Variants in COP1 observed in about 807,000 individuals in gnomAD.
The protein encoded by COP1 is COP1 E3 ubiquitin ligase.
A neutral mutation model predicts 101.3 loss-of-function variants in COP1; 24 were observed. The ratio of observed to expected loss-of-function variants is 0.24; its 90% CI spans 0.17 to 0.33. The LOEUF is 0.33. Ranked by LOEUF, COP1 falls within the 10% of genes least tolerant of loss-of-function variation. The probability of loss-of-function intolerance (pLI) is 1.00; values close to 1 mark genes in which losing one functional copy is unlikely to be tolerated. For synonymous variants in COP1, 347 were observed against 341.9 expected (o/e 1.01, Z -0.17); for missense variants, 663 against 906.2 (o/e 0.73, Z 3.45).
At chr1:176,180,040 A>G (rs1697537042) in intron 2 of COP1, among the ~76,000 whole-genome samples, 1 of 152,192 alleles carries the variant, frequency 6.6e-6, no homozygotes, top group African/African-American at 2.4e-5. Context: ...ATCTTAGAGC[A>G]TCTACTACTT....
intron 8 of COP1, 54 bp from the exon 9 acceptor site, chr1:176,116,735 C>G: frequency 7.7e-7 from 1 of 1,295,778 alleles, no homozygotes; most frequent in Non-Finnish European, 1.1e-6. Context: ...ATTTTAACAA[C>G]AGAAAAAGTA....
At chr1:176,166,336 A>T (rs1045469911) in intron 3 of COP1, among the ~76,000 whole-genome samples, 1 of 152,188 alleles carries the variant, frequency 6.6e-6, no homozygotes, top group Non-Finnish European at 1.5e-5. Flanking sequence ...CATGTTGCCC[A>T]GGCTGATCTT....
intron 14 of COP1, among the ~76,000 whole-genome samples, chr1:176,029,047 C>A (rs11811325): frequency 6.6e-6 from 1 of 151,916 alleles, no homozygotes; most frequent in African/African-American, 2.4e-5. Flanking sequence ...AGCCACTGGG[C>A]CCAGCCAATT....
chr1:176,016,686 G>A (rs1665708622), intron 15 of COP1, among the ~76,000 whole-genome samples: 1 of 151,892 alleles, frequency 6.6e-6, no homozygotes, highest in Non-Finnish European at 1.5e-5. Flanking sequence ...TATGGAATTT[G>A]TAATACACTT....
At chr1:175,995,505 C>T (rs575641965) in intron 15 of COP1, among the ~76,000 whole-genome samples, 1 of 152,034 alleles carries the variant, frequency 6.6e-6, no homozygotes, top group African/African-American at 2.4e-5. Flanking sequence ...ACTAGCAAGA[C>T]TAATAAAGAA....
chr1:176,001,334 T>C (rs1469033557), intron 15 of COP1, among the ~76,000 whole-genome samples: 1 of 152,118 alleles, frequency 6.6e-6, no homozygotes, highest in African/African-American at 2.4e-5. Context: ...ACATCATGCA[T>C]AAGAATGCTA....
intron 1 of COP1, among the ~76,000 whole-genome samples, chr1:176,186,728 G>A (rs1558283197): frequency 1.3e-5 from 2 of 152,340 alleles, no homozygotes; most frequent in East Asian, 1.9e-4. Flanking sequence ...GAAGCCAAGT[G>A]TAGAAATGGT....
At chr1:175,986,577 T>C (rs1187655677) in intron 18 of COP1, among the ~76,000 whole-genome samples, 1 of 152,066 alleles carries the variant, frequency 6.6e-6, no homozygotes, top group African/African-American at 2.4e-5. Context: ...AAATACCAGC[T>C]CAGCTTAATG....
At chr1:176,178,688 C>T (rs943580307) in intron 2 of COP1, among the ~76,000 whole-genome samples, 3 of 151,886 alleles carry the variant, frequency 2.0e-5, no homozygotes, top group African/African-American at 7.3e-5. Flanking sequence ...CCCGTCTCTA[C>T]TAAACATACA....
At position 176,197,896 on chromosome 1, in the gene COP1, C is replaced by T. The variant is rs555993788; in HGVS notation, c.407+8676G>A. ...CAATTAGAAATCGAAATTAAAAGAA[C>T]AACATTTAGAACACCATCAAAAACA... On this transcript the variant is annotated intron_variant, in intron 1 of 19. Transcript: ENST00000367669. Among the ~76,000 whole-genome samples, 12 of 152,000 alleles carry T rather than the reference C, an allele frequency of 7.9e-5. No homozygotes were observed. In the East Asian group the frequency reaches 2.1e-3, roughly 27 times the overall value.
intron 1 of COP1, among the ~76,000 whole-genome samples, chr1:176,203,463 G>A (rs1478726035): frequency 1.3e-5 from 2 of 152,202 alleles, no homozygotes; most frequent in African/African-American, 4.8e-5. Flanking sequence ...AGCTGGAAAA[G>A]CTAATACAAA....
At chr1:176,098,189 C>T (rs1347346480) in intron 9 of COP1, among the ~76,000 whole-genome samples, 25 of 152,130 alleles carry the variant, frequency 1.6e-4, no homozygotes, top group Non-Finnish European at 1.3e-4. Context: ...AAGGAACTAA[C>T]CATGCCCTTA....
intron 1 of COP1, among the ~76,000 whole-genome samples, chr1:176,205,476 G>A (rs1475723214): frequency 6.6e-6 from 1 of 152,108 alleles, no homozygotes; most frequent in African/African-American, 2.4e-5. Flanking sequence ...CACCAACTCA[G>A]ACCATCTTCA....
At chr1:176,155,659 G>T (rs776499529) in intron 5 of COP1, among the ~76,000 whole-genome samples, 1 of 151,824 alleles carries the variant, frequency 6.6e-6, no homozygotes, top group African/African-American at 2.4e-5. Flanking sequence ...AGATCCTCTT[G>T]TTGCATGAAA....
At chr1:176,146,800 T>C (rs954605064) in intron 6 of COP1, among the ~76,000 whole-genome samples, 4 of 152,162 alleles carry the variant, frequency 2.6e-5, no homozygotes, top group South Asian at 4.1e-4. Flanking sequence ...CACACAGCAA[T>C]AGATAACTAA....
At chr1:176,063,860 T>C (rs1675425811) in intron 11 of COP1, among the ~76,000 whole-genome samples, 1 of 152,186 alleles carries the variant, frequency 6.6e-6, no homozygotes, top group African/African-American at 2.4e-5. Flanking sequence ...TGATGGATTG[T>C]CTACTATATG....
intron 5 of COP1, among the ~76,000 whole-genome samples, chr1:176,158,994 T>C (rs994225976): frequency 3.3e-5 from 5 of 152,098 alleles, no homozygotes; most frequent in Admixed American, 2.6e-4. Context: ...ATGTAGAATG[T>C]GGTAGTAATT....
At chr1:176,204,338 A>T (rs1700606251) in intron 1 of COP1, among the ~76,000 whole-genome samples, 1 of 152,210 alleles carries the variant, frequency 6.6e-6, no homozygotes, top group Admixed American at 6.5e-5. Context: ...ATGAATAAGA[A>T]ATTATCATTA....
chr1:176,173,335 A>AAAAC (rs1163934102), intron 3 of COP1, among the ~76,000 whole-genome samples: 1 of 148,674 alleles, frequency 6.7e-6, no homozygotes, highest in Non-Finnish European at 1.5e-5. Flanking sequence ...AAAAAAAAAA[A>AAAAC]AAAAAAAAAC....
Sources: gnomAD v4.1 joint callset for allele counts (sites outside exome capture counted in the v4.1 genomes callset) on GRCh38, gnomAD v4.1.1 for gene constraint, MANE v1.5 for transcripts, NCBI Gene and HGNC (gene_info 2026-07-23, HGNC 2026-07-21) for gene names.